The following PARD3 variants were observed in gnomAD, a reference collection of about 807,000 sequenced individuals.
PARD3 encodes partitioning defective 3 homolog.
Under a neutral mutation model 155.4 loss-of-function variants are expected in PARD3, and 75 were observed. The observed-to-expected ratio is 0.48, with a 90% CI of 0.40 to 0.58. PARD3 has a LOEUF of 0.58. Ranked by LOEUF, PARD3 falls within the 20% of genes least tolerant of loss-of-function variation. PARD3 has a pLI of 0.00. For synonymous variants in PARD3, 576 were observed against 610.5 expected (o/e 0.94, Z 0.83); for missense variants, 1,642 against 1,721.7 (o/e 0.95, Z 0.82).
In PARD3 at chr10:34,568,640, C is replaced by A. The variant is rs113248318; in HGVS notation, c.223-51481G>T. On this transcript the variant is annotated intron_variant, in intron 2 of 24. Coordinates refer to ENST00000374788, the MANE Select transcript of PARD3 (RefSeq NM_001184785.2). ...ACTCTTGCAGCTGTGGGGTGGCAGA[C>A]CATGTGGCGTGACCTCCCCTGTTCT... 6.0e-3 allele frequency among the ~76,000 whole-genome samples: 920 copies of A among 152,234 alleles called. 11 individuals carry two copies. Among genetic ancestry groups the A allele is most frequent in the African/African-American group, 0.022 (897 of 41,534 alleles).
chr10:34,330,967 T>C, intron 19 of PARD3, 150 bp downstream of exon 19: 1 of 638,546 alleles, frequency 1.6e-6, no homozygotes, highest in Non-Finnish European at 2.7e-6. Context: ...GCAAATAATA[T>C]CGTCTTATTA....
At chr10:34,462,024 T>C (rs2077685003) in intron 4 of PARD3, among the ~76,000 whole-genome samples, 1 of 152,248 alleles carries the variant, frequency 6.6e-6, no homozygotes, top group African/African-American at 2.4e-5. Flanking sequence ...CAGCCTATTG[T>C]AGAAATGATT....
chr10:34,628,228 G>A (rs1056097468), intron 2 of PARD3, among the ~76,000 whole-genome samples: 1 of 152,200 alleles, frequency 6.6e-6, no homozygotes, highest in Non-Finnish European at 1.5e-5. Context: ...AACGGGATGG[G>A]ATGATCCATC....
chr10:34,815,047 AGCCGAG>A lies in PARD3; in HGVS notation c.-58_-53del. 7.8e-7 allele frequency: 1 copy of A among 1,281,342 alleles called. No homozygotes were observed. The highest frequency in any genetic ancestry group is 9.9e-7 in the Non-Finnish European group (1 of 1,006,018). 79.4% of individuals were successfully genotyped at this position (1,281,342 alleles called of 1,614,324 possible). A position where few individuals can be genotyped will look rare whatever the true frequency, so the allele number is the denominator to read the frequency against. On this transcript the variant is annotated 5_prime_UTR_variant, in exon 1 of 25. Coordinates refer to ENST00000374788, the MANE Select transcript of PARD3 (RefSeq NM_001184785.2). ...GCCCCTCGCCGAGCGCAGCCGGAGC[AGCCGAG>A]GCCGGGACCGAGGACGCTGGGCGCG... is the stretch of plus-strand genomic sequence containing the variant.
chr10:34,735,512 C>T (rs1429175648), intron 1 of PARD3, among the ~76,000 whole-genome samples: 1 of 152,224 alleles, frequency 6.6e-6, no homozygotes, highest in Non-Finnish European at 1.5e-5. Flanking sequence ...CTTGAATGAT[C>T]TGTTCCAACA....
rs555016523 is a variant in PARD3 at position 34,339,791 on chromosome 10, T to C, written c.2408+1836A>G. On this transcript the variant is annotated intron_variant, in intron 16 of 24. Coordinates refer to ENST00000374788, the MANE Select transcript of PARD3 (RefSeq NM_001184785.2). Reference sequence around the variant, plus strand: ...TAAATAACTAAATATTCTTAAACTATGACAAAATTAATTCTTCCCTATCAA... The same window carrying C: ...TAAATAACTAAATATTCTTAAACTACGACAAAATTAATTCTTCCCTATCAA... Among the ~76,000 whole-genome samples the C allele has an allele frequency of 3.3e-5, 5 of 152,358 alleles. No homozygotes were observed. The South Asian group carries it at 6.2e-4, about 19-fold the overall frequency.
chr10:34,271,684 C>G (rs1955616917), intron 21 of PARD3, among the ~76,000 whole-genome samples: 1 of 152,102 alleles, frequency 6.6e-6, no homozygotes, highest in South Asian at 2.1e-4. Flanking sequence ...GTTGGAAGTT[C>G]TAGGCAATGC....
chr10:34,322,537 G>A (rs1244370012), intron 19 of PARD3, among the ~76,000 whole-genome samples: 3 of 152,166 alleles, frequency 2.0e-5, no homozygotes, highest in Non-Finnish European at 4.4e-5. Context: ...TTTGTCTTAA[G>A]TGTATAATTT....
chr10:34,127,448 C>T (rs1947348362), intron 23 of PARD3, among the ~76,000 whole-genome samples: 1 of 152,204 alleles, frequency 6.6e-6, no homozygotes. Context: ...CCTAGCCTAC[C>T]TCTGCTATAT....
intron 22 of PARD3, among the ~76,000 whole-genome samples, chr10:34,220,905 G>C (rs657517): frequency 0.23 from 35,407 of 152,168 alleles, 5,160 homozygotes; most frequent in Non-Finnish European, 0.31. Context: ...GATAGCAGCG[G>C]GAGAGCTATT....
chr10:34,290,842 T>C (rs1365816141), intron 20 of PARD3, among the ~76,000 whole-genome samples: 2 of 152,208 alleles, frequency 1.3e-5, no homozygotes, highest in Admixed American at 6.5e-5. Flanking sequence ...CCCAATGAGC[T>C]GGCCTCAAGA....
rs555559707 is a variant in PARD3, at chr10:34,480,632, C to A, written c.404-10369G>T. On this transcript the variant is annotated intron_variant, in intron 3 of 24. Coordinates refer to ENST00000374788, the MANE Select transcript of PARD3 (RefSeq NM_001184785.2). The stretch of plus-strand genomic sequence containing the variant: ...ACAACTCATCCACTCTAGACACACA[C>A]CCCAACAAAGTAGGAACAAAATGTT... 1.0e-3 allele frequency among the ~76,000 whole-genome samples: 158 copies of A among 152,212 alleles called. 1 individual carries two copies. The highest frequency in any genetic ancestry group is 3.3e-3 in the Admixed American group (51 of 15,284).
At chr10:34,631,303 C>T (rs2092258068) in intron 2 of PARD3, among the ~76,000 whole-genome samples, 1 of 151,944 alleles carries the variant, frequency 6.6e-6, no homozygotes, top group South Asian at 2.1e-4. Context: ...ACATACGGCC[C>T]GAAAAGGTCC....
intron 14 of PARD3, among the ~76,000 whole-genome samples, chr10:34,352,644 G>T (rs908053784): frequency 1.3e-5 from 2 of 152,358 alleles, no homozygotes; most frequent in East Asian, 3.9e-4. Context: ...CGCTCACTCA[G>T]TGCTCAATCT....
Position 34,467,329 on chromosome 10 carries a change from TTGTGTGTGTGTGTGTG to T in PARD3, c.582+2740_582+2755del, listed in dbSNP as rs61218571. On this transcript the variant is annotated intron_variant, in intron 4 of 24. Coordinates refer to ENST00000374788, the MANE Select transcript of PARD3 (RefSeq NM_001184785.2). Reference sequence around the variant, plus strand: ...TATATGAACATAGCATGACTCCAACTTGTGTGTGTGTGTGTGTGTGTGTGTGTGTGTGTAAATACTG... The same window carrying T: ...TATATGAACATAGCATGACTCCAACTTGTGTGTGTGTGTGTGTAAATACTG... 3.5e-4 allele frequency among the ~76,000 whole-genome samples: 51 copies of T among 147,090 alleles called. No individual in the cohort carries two copies. In the East Asian group the frequency reaches 4.8e-3, roughly 14 times the overall value.
intron 1 of PARD3, among the ~76,000 whole-genome samples, chr10:34,786,705 T>C (rs1364041891): frequency 3.9e-5 from 6 of 152,226 alleles, no homozygotes; most frequent in Admixed American, 3.9e-4. Flanking sequence ...ATGTTTCTAT[T>C]TAAGTACTCT....
At chr10:34,443,903 G>C (rs1448301160) in intron 5 of PARD3, among the ~76,000 whole-genome samples, 1 of 152,192 alleles carries the variant, frequency 6.6e-6, no homozygotes, top group South Asian at 2.1e-4. Flanking sequence ...CTGAGACTTT[G>C]AGACTTGACA....
At chr10:34,326,364 AATG>A (rs151108016) in intron 19 of PARD3, among the ~76,000 whole-genome samples, 2,879 of 152,238 alleles carry the variant, frequency 0.019, 94 homozygotes, top group African/African-American at 0.065. Context: ...ATTTGCATAA[AATG>A]ATGTGATAGG....
intron 3 of PARD3, among the ~76,000 whole-genome samples, chr10:34,509,171 A>G (rs980314203): frequency 6.6e-6 from 1 of 152,160 alleles, no homozygotes; most frequent in African/African-American, 2.4e-5. Context: ...CTGGGTGGGG[A>G]AAAAAACCCC....
Sources: gnomAD v4.1 joint callset for allele counts (sites outside exome capture counted in the v4.1 genomes callset) on GRCh38, gnomAD v4.1.1 for gene constraint, MANE v1.5 for transcripts, NCBI Gene and HGNC (gene_info 2026-07-23, HGNC 2026-07-21) for gene names.